Variants in PPP2R3B observed in about 807,000 individuals in gnomAD.
PPP2R3B encodes serine/threonine-protein phosphatase 2A regulatory subunit B'' subunit beta.
A neutral mutation model predicts 72.9 loss-of-function variants in PPP2R3B; 68 were observed. The observed-to-expected ratio is 0.93, with a 90% CI of 0.77 to 1.14. PPP2R3B has a LOEUF of 1.14. Among genes scored for constraint, PPP2R3B ranks in the 50% most tolerant of loss-of-function variants. The pLI is 0.00. For synonymous variants in PPP2R3B, 466 were observed against 375.8 expected, an observed-to-expected ratio of 1.24 and a Z score of -2.78; for missense variants, 1,018 against 842.0, an observed-to-expected ratio of 1.21 and a Z score of -2.59.
At chrX:377,902 G>A (rs2072033937) in intron 1 of PPP2R3B, among the ~76,000 whole-genome samples, 1 of 114,694 alleles carries the variant, frequency 8.7e-6, no homozygotes, top group African/African-American at 3.9e-5. Flanking sequence ...GTACAGGGAC[G>A]GGCCATCCAC....
chrX:379,748 T>C (rs925902548), intron 1 of PPP2R3B, among the ~76,000 whole-genome samples: 4 of 152,170 alleles, frequency 2.6e-5, no homozygotes, highest in African/African-American at 9.7e-5. Context: ...AAAATACTGT[T>C]AAGGTATCAA....
chrX:345,116 C>T (rs1409760049), intron 7 of PPP2R3B: 1 of 483,130 alleles, frequency 2.1e-6, no homozygotes, highest in South Asian at 1.5e-5. Flanking sequence ...CTCCACCTAG[C>T]CCGGGATTGG....
intron 1 of PPP2R3B, among the ~76,000 whole-genome samples, chrX:375,905 G>A (rs2124383660): frequency 6.7e-6 from 1 of 150,062 alleles, no homozygotes; most frequent in South Asian, 2.1e-4. Context: ...CAAGACTTTT[G>A]GAACACAGCC....
intron 6 of PPP2R3B, 108 bp downstream of exon 6, chrX:346,066 A>AGGGGAG: frequency 2.2e-6 from 1 of 452,132 alleles, no homozygotes; most frequent in Non-Finnish European, 3.9e-6. Flanking sequence ...TGGGGGTGGG[A>AGGGGAG]GAGGGGGTGG....
chrX:361,413 C>T lies in PPP2R3B; in HGVS notation c.502G>A (p.Val168Met). ...ERATMDDMGL[V>M]AKACGCPLYW... ...CCACGCGTGACACGTACCTTGGCCA[C>T]CAGGCCCATGTCATCCATGGTGGCC... The change falls in exon 2 of 13, where the codon GTG becomes ATG. Residue 168 changes from valine (V) to methionine (M), a missense_variant. Physicochemically the swap from Val to Met is conservative, Grantham distance 21 (BLOSUM62 1). Coordinates refer to ENST00000390665, the MANE Select transcript of PPP2R3B (RefSeq NM_013239.5). The T allele has an allele frequency of 6.2e-7, 1 of 1,614,020 alleles. No homozygotes were observed. The highest frequency in any genetic ancestry group is 1.1e-5 in the South Asian group (1 of 91,082).
At chrX:346,345 C>A in intron 5 of PPP2R3B, 85 bp from the exon 6 acceptor site, 5 of 1,381,552 alleles carry the variant, frequency 3.6e-6, no homozygotes, top group Non-Finnish European at 5.0e-6. Context: ...GGGAGAGGGG[C>A]GCGCCCTTGG....
chrX:352,672 G>A (rs756056390), intron 2 of PPP2R3B, among the ~76,000 whole-genome samples: 21 of 152,032 alleles, frequency 1.4e-4, no homozygotes, highest in African/African-American at 5.1e-4. Context: ...TGCTGCTGAG[G>A]GGGACTCGCG....
At chrX:362,607 A>T (rs2071565457) in intron 1 of PPP2R3B, among the ~76,000 whole-genome samples, 1 of 151,896 alleles carries the variant, frequency 6.6e-6, no homozygotes. Context: ...TCCTCCATCA[A>T]CTACTCAGGG....
intron 1 of PPP2R3B, among the ~76,000 whole-genome samples, chrX:382,593 C>T (rs2072151121): frequency 6.6e-6 from 1 of 152,102 alleles, no homozygotes; most frequent in South Asian, 2.1e-4. Flanking sequence ...AAAACTTTCT[C>T]CAGGAGAGAA....
chrX:357,223 G>A (rs2071456306), intron 2 of PPP2R3B, among the ~76,000 whole-genome samples: 2 of 152,034 alleles, frequency 1.3e-5, no homozygotes. Context: ...GAGGCACGTG[G>A]GACACCCGCG....
At chrX:355,497 A>G (rs2071417169) in intron 2 of PPP2R3B, among the ~76,000 whole-genome samples, 1 of 152,200 alleles carries the variant, frequency 6.6e-6, no homozygotes, top group Non-Finnish European at 1.5e-5. Flanking sequence ...TAAAATTCAC[A>G]CGGTGGGAAC....
Position 334,509 on chromosome X carries a change from G to T in PPP2R3B, c.1586C>A (p.Ala529Asp). Reference sequence around the variant, plus strand: ...CTTCTGCTCCACAGGGCTGAGCTCGGCCTCGAACCTGCAACGAGGGGATGG... The same window carrying T: ...CTTCTGCTCCACAGGGCTGAGCTCGTCCTCGAACCTGCAACGAGGGGATGG... ...AGEPWEDGFEAELSPVEQKLS... is the reference protein window; with the variant it reads ...AGEPWEDGFEDELSPVEQKLS... Residue 529 changes from alanine to aspartate, a missense_variant, in exon 13 of 13, where the codon GCC becomes GAC. Ala to Asp is a moderately radical substitution (Grantham distance 126). Coordinates refer to ENST00000390665, the MANE Select transcript of PPP2R3B (RefSeq NM_013239.5). The T allele has an allele frequency of 6.5e-7, 1 of 1,546,778 alleles. No individual in the cohort carries two copies.
chrX:341,316 GTTTT>G lies in PPP2R3B; in HGVS notation c.1162_1165del (p.Lys388HisfsTer70), dbSNP rs1343970419. 1.2e-6 allele frequency: 2 copies of G among 1,612,510 alleles called. No homozygotes were observed. Among genetic ancestry groups the G allele is most frequent in the South Asian group, 1.1e-5 (1 of 91,070 alleles). ...CGCAGCAGGAACCCACCTGGTCGGT[GTTTT>G]TTTGTCTTCCTCAGAGATCAAAAAC... On this transcript the variant is annotated frameshift_variant, in exon 9 of 13. Transcript: ENST00000390665. LOFTEE classifies it high-confidence loss of function.
intron 1 of PPP2R3B, among the ~76,000 whole-genome samples, chrX:370,524 G>A (rs192157250): frequency 8.8e-4 from 134 of 152,296 alleles, no homozygotes; most frequent in African/African-American, 3.1e-3. Flanking sequence ...CACAGCGAGG[G>A]GAGGATCCGG....
chrX:374,936 C>T (rs2071956779), intron 1 of PPP2R3B, among the ~76,000 whole-genome samples: 1 of 152,138 alleles, frequency 6.6e-6, no homozygotes, highest in Admixed American at 6.5e-5. Flanking sequence ...GATCTGTTTC[C>T]TGTCTCCATC....
rs1423203893 is a variant in PPP2R3B, at chrX:361,593, G to T, written c.325-3C>A. 8.7e-6 allele frequency: 14 copies of T among 1,613,522 alleles called. No individual in the cohort carries two copies. The highest frequency in any genetic ancestry group is 5.0e-5 in the Admixed American group (3 of 59,994). On this transcript the variant is annotated splice_polypyrimidine_tract_variant and splice_region_variant and intron_variant, in intron 1 of 12. Coordinates refer to ENST00000390665, the MANE Select transcript of PPP2R3B (RefSeq NM_013239.5). ...GGCTCTTCTTTCCGTGTCTGAACCT[G>T]AAGAGTCGACAGACAGCGCTCAGTT...
At chrX:342,179 C>T in intron 7 of PPP2R3B, 1 of 605,304 alleles carries the variant, frequency 1.7e-6, no homozygotes, top group Non-Finnish European at 3.0e-6. Context: ...CCAAGACCGA[C>T]TTGTAAAGAG....
intron 2 of PPP2R3B, among the ~76,000 whole-genome samples, chrX:357,967 C>T (rs1273473256): frequency 1.3e-5 from 2 of 152,200 alleles, no homozygotes; most frequent in African/African-American, 4.8e-5. Context: ...CTAAGATCCA[C>T]GGGGGGACCC....
chrX:376,750 T>TA (rs1260823898), intron 1 of PPP2R3B, among the ~76,000 whole-genome samples: 2 of 94,710 alleles, frequency 2.1e-5, no homozygotes, highest in Non-Finnish European at 4.4e-5. Context: ...GGGCTGTCTA[T>TA]ACACTACTGT....
Sources: gnomAD v4.1 joint callset for allele counts (sites outside exome capture counted in the v4.1 genomes callset) on GRCh38, gnomAD v4.1.1 for gene constraint, MANE v1.5 for transcripts, NCBI Gene and HGNC (gene_info 2026-07-23, HGNC 2026-07-21) for gene names.